Variants in RAPGEF5 observed in about 807,000 individuals in gnomAD.
RAPGEF5 encodes the protein Rap guanine nucleotide exchange factor 5, also known as M-Ras-regulated GEF.
A neutral mutation model predicts 125.2 loss-of-function variants in RAPGEF5; 65 were observed. The observed-to-expected ratio is 0.52, with a 90% confidence interval of 0.43 to 0.64. RAPGEF5 has a LOEUF of 0.64. Ranked by LOEUF, RAPGEF5 falls within the 30% of genes least tolerant of loss-of-function variation. The pLI, the probability that RAPGEF5 is intolerant of heterozygous loss-of-function variation, is 0.00. For synonymous variants in RAPGEF5, 391 were observed against 385.9 expected (o/e 1.01, Z -0.16); for missense variants, 958 against 1,048.1 (o/e 0.91, Z 1.19).
At position 22,145,064 on chromosome 7, in the gene RAPGEF5, T is replaced by A. The variant is rs1432835434; in HGVS notation, c.2166A>T (p.Lys722Asn). 1.9e-6 allele frequency: 3 copies of A among 1,613,164 alleles called. No homozygotes were observed. The highest frequency in any genetic ancestry group is 1.7e-6 in the Non-Finnish European group (2 of 1,179,446). Residue 722 changes from lysine (K) to asparagine (N), a missense_variant, in exon 20 of 26, where the codon AAA becomes AAT. Transcript: ENST00000665637. Reference sequence around the variant, plus strand: ...CTTACTGAGCCGCAATTTTGATGAATTTTTTCACCAGCTGCACTCGCTTGC... The same window carrying A: ...CTTACTGAGCCGCAATTTTGATGAAATTTTTCACCAGCTGCACTCGCTTGC... ...QLGKRVQLVK[K>N]FIKIAAHCKA... is the part of the protein sequence containing the mutation.
chr7:22,331,529 A>T (rs1385976550), intron 1 of RAPGEF5, among the ~76,000 whole-genome samples: 2 of 152,106 alleles, frequency 1.3e-5, no homozygotes, highest in Non-Finnish European at 2.9e-5. Flanking sequence ...GCGGATCACG[A>T]GGTCAGGAGA....
chr7:22,242,669 T>C (rs369131388), intron 7 of RAPGEF5, among the ~76,000 whole-genome samples: 225 of 152,144 alleles, frequency 1.5e-3, no homozygotes, highest in African/African-American at 5.1e-3. Context: ...AGAGTTCAAA[T>C]TGCTGGGCGC....
intron 6 of RAPGEF5, among the ~76,000 whole-genome samples, chr7:22,276,156 T>C (rs1182400030): frequency 2.0e-5 from 3 of 152,178 alleles, no homozygotes; most frequent in Non-Finnish European, 4.4e-5. Context: ...AATAATAAAA[T>C]AAAACGTTAT....
chr7:22,287,873 C>T (rs1388279656), intron 6 of RAPGEF5, among the ~76,000 whole-genome samples: 1 of 152,182 alleles, frequency 6.6e-6, no homozygotes, highest in Non-Finnish European at 1.5e-5. Flanking sequence ...TCCAACCACT[C>T]ATCTTGGCCA....
rs890369036 is a variant in RAPGEF5 at position 22,118,765 on chromosome 7, T to C, written c.*3641A>G. ...ATTTCATCCCAGTATTTAATAACAG[T>C]GTGATACGAATACAATAAATAGACT... On this transcript the variant is annotated 3_prime_UTR_variant, in exon 26 of 26. Transcript: ENST00000665637. 2 of 152,600 alleles carry C rather than the reference T, an allele frequency of 1.3e-5. No individual in the cohort carries two copies. The highest frequency in any genetic ancestry group is 6.5e-5 in the Admixed American group (1 of 15,274). 9.5% of individuals were successfully genotyped at this position (152,600 alleles called of 1,614,324 possible).
intron 11 of RAPGEF5, among the ~76,000 whole-genome samples, chr7:22,178,056 C>G (rs897685051): frequency 4.6e-5 from 7 of 151,860 alleles, no homozygotes; most frequent in African/African-American, 1.7e-4. Context: ...TAGTGGACAC[C>G]TGGCCATAGC....
At chr7:22,304,890 A>T (rs1027237386) in intron 5 of RAPGEF5, among the ~76,000 whole-genome samples, 1 of 152,230 alleles carries the variant, frequency 6.6e-6, no homozygotes, top group Non-Finnish European at 1.5e-5. Context: ...AGTGAGACCA[A>T]TTGAATGGTA....
At chr7:22,178,489 G>C (rs1784577860) in intron 11 of RAPGEF5, among the ~76,000 whole-genome samples, 1 of 152,146 alleles carries the variant, frequency 6.6e-6, no homozygotes, top group South Asian at 2.1e-4. Context: ...TCTATATCAG[G>C]GTTCTCACAA....
intron 5 of RAPGEF5, among the ~76,000 whole-genome samples, chr7:22,305,845 C>T (rs1783325475): frequency 6.6e-6 from 1 of 152,124 alleles, no homozygotes; most frequent in Non-Finnish European, 1.5e-5. Context: ...CAACATAATG[C>T]CCTCCAGTTC....
chr7:22,287,678 C>G (rs957167744), intron 6 of RAPGEF5, among the ~76,000 whole-genome samples: 1 of 152,094 alleles, frequency 6.6e-6, no homozygotes, highest in Non-Finnish European at 1.5e-5. Context: ...GAGAACTGTT[C>G]CCTGAGTGAT....
At chr7:22,327,461 G>A (rs1198260982) in intron 1 of RAPGEF5, among the ~76,000 whole-genome samples, 1 of 152,168 alleles carries the variant, frequency 6.6e-6, no homozygotes, top group Non-Finnish European at 1.5e-5. Context: ...ATCATTAAAT[G>A]TTTATAAAGG....
At chr7:22,156,100 C>T (rs1222133150) in intron 16 of RAPGEF5, among the ~76,000 whole-genome samples, 2 of 152,118 alleles carry the variant, frequency 1.3e-5, no homozygotes, top group African/African-American at 4.8e-5. Flanking sequence ...TTACAAGTTC[C>T]AGAAATTGGG....
chr7:22,348,535 G>T lies in RAPGEF5; in HGVS notation c.231+8295C>A, dbSNP rs78846370. The stretch of plus-strand genomic sequence containing the variant: ...TGCATGCCTTATAAATCTCCAAGTA[G>T]ATGTGTACTATGGAGCTGAGAAAAC... On this transcript the variant is annotated intron_variant, in intron 1 of 25. Transcript: ENST00000665637. Among the ~76,000 whole-genome samples the T allele has an allele frequency of 2.7e-3, 413 of 152,324 alleles. 2 individuals are homozygous for T. The highest frequency in any genetic ancestry group is 0.014 in the East Asian group (75 of 5,182).
intron 3 of RAPGEF5, 78 bp from the exon 4 acceptor site, chr7:22,310,168 C>G (rs957685531): frequency 6.1e-6 from 8 of 1,316,550 alleles, no homozygotes; most frequent in Non-Finnish European, 6.8e-6. Flanking sequence ...ATATATAATA[C>G]CTTTCCTTTC....
At chr7:22,239,303 G>A (rs1011126439) in intron 7 of RAPGEF5, among the ~76,000 whole-genome samples, 1 of 152,136 alleles carries the variant, frequency 6.6e-6, no homozygotes, top group African/African-American at 2.4e-5. Context: ...CCAGCCCATG[G>A]TTCTATAGAA....
At chr7:22,210,535 T>C (rs1207879605) in intron 9 of RAPGEF5, among the ~76,000 whole-genome samples, 2 of 152,206 alleles carry the variant, frequency 1.3e-5, no homozygotes, top group African/African-American at 4.8e-5. Flanking sequence ...TGAGCCTTCT[T>C]GTGAATCCAT....
At chr7:22,349,938 G>A (rs967632015) in intron 1 of RAPGEF5, among the ~76,000 whole-genome samples, 1 of 152,150 alleles carries the variant, frequency 6.6e-6, no homozygotes, top group Non-Finnish European at 1.5e-5. Flanking sequence ...TCAATCTGAA[G>A]AAGACCTACC....
chr7:22,280,275 T>C lies in RAPGEF5; in HGVS notation c.747+10900A>G, dbSNP rs78667942. Among the ~76,000 whole-genome samples, 61 of 152,350 alleles carry C rather than the reference T, an allele frequency of 4.0e-4. No individual in the cohort carries two copies. In the East Asian group the frequency reaches 0.012, roughly 29 times the overall value. On this transcript the variant is annotated intron_variant, in intron 6 of 25. Coordinates refer to ENST00000665637, the MANE Select transcript of RAPGEF5 (RefSeq NM_012294.5). ...CTGTAGCAGTCAAGAAAGACCTTTC[T>C]TGATATGGCGTCACTTCTCCCTAGC... is the stretch of plus-strand genomic sequence containing the variant.
intron 24 of RAPGEF5, among the ~76,000 whole-genome samples, chr7:22,128,069 T>A (rs1782803345): frequency 6.6e-6 from 1 of 152,188 alleles, no homozygotes; most frequent in South Asian, 2.1e-4. Context: ...TTGATTTCTA[T>A]CATATGCCAT....
Sources: allele counts gnomAD v4.1 joint callset (sites outside exome capture counted in the v4.1 genomes callset), GRCh38; gene constraint gnomAD v4.1.1; transcripts MANE v1.5; gene names NCBI Gene and HGNC (gene_info 2026-07-23, HGNC 2026-07-21).